The following PRKN variants were observed in gnomAD, a reference collection of about 807,000 sequenced individuals.
PRKN encodes parkin RBR E3 ubiquitin protein ligase.
In PRKN, 56 loss-of-function variants were observed where a neutral mutation model predicts 59.5. That is an observed-to-expected ratio of 0.94 (90% confidence interval 0.76 to 1.18). PRKN has a LOEUF of 1.18. Among genes scored for constraint, PRKN ranks in the 50% most tolerant of loss-of-function variants. PRKN has a pLI of 0.00. For synonymous variants in PRKN, 250 were observed against 222.1 expected (o/e 1.13, Z -1.12); for missense variants, 657 against 596.4 (o/e 1.10, Z -1.06).
At chr6:162,408,501 C>G (rs1050716324) in intron 2 of PRKN, among the ~76,000 whole-genome samples, 2 of 152,122 alleles carry the variant, frequency 1.3e-5, no homozygotes, top group Non-Finnish European at 2.9e-5. Flanking sequence ...ATCTCTAAAG[C>G]AGAATAGGTT....
chr6:162,709,880 C>T (rs1198717766), intron 1 of PRKN, among the ~76,000 whole-genome samples: 1 of 150,614 alleles, frequency 6.6e-6, no homozygotes, highest in Admixed American at 6.6e-5. Flanking sequence ...AATGCTCTTG[C>T]CTAGGAGGTG....
intron 5 of PRKN, among the ~76,000 whole-genome samples, chr6:161,997,540 C>G (rs1781893022): frequency 6.6e-6 from 1 of 152,106 alleles, no homozygotes; most frequent in Non-Finnish European, 1.5e-5. Context: ...TGGCATCTCT[C>G]AAGGCACTGT....
chr6:162,379,887 A>T (rs1222985465), intron 2 of PRKN, among the ~76,000 whole-genome samples: 1 of 152,188 alleles, frequency 6.6e-6, no homozygotes, highest in East Asian at 1.9e-4. Context: ...GAGGTAGCTG[A>T]TGAACATGCC....
rs911498866 is a variant in PRKN at position 161,407,551 on chromosome 6, A to G, written c.1084-20674T>C. Among the ~76,000 whole-genome samples the G allele has an allele frequency of 1.3e-5, 2 of 152,204 alleles. No individual in the cohort carries two copies. The highest frequency in any genetic ancestry group is 4.8e-5 in the African/African-American group (2 of 41,434). ...AATTTACAATATCCTGATTTCAGAA[A>G]TGTTAAAATACACAAAAAGGTACTT... On this transcript the variant is annotated intron_variant, in intron 9 of 11. Transcript: ENST00000366898. The surrounding 1 kb of genome is among the most constrained non-coding windows in gnomAD (Gnocchi z 4.9).
chr6:162,512,268 A>AG (rs1777659628), intron 1 of PRKN, among the ~76,000 whole-genome samples: 3 of 152,146 alleles, frequency 2.0e-5, no homozygotes. Context: ...TGGTCATGGG[A>AG]GGGGTGGAAA....
chr6:161,716,984 G>A (rs908793372), intron 7 of PRKN, among the ~76,000 whole-genome samples: 6 of 152,126 alleles, frequency 3.9e-5, no homozygotes, highest in South Asian at 4.1e-4. Context: ...AGGGTAACAC[G>A]GGCATGTGTT....
chr6:161,384,167 T>C (rs759094568), intron 10 of PRKN, among the ~76,000 whole-genome samples: 6 of 152,184 alleles, frequency 3.9e-5, no homozygotes, highest in African/African-American at 7.2e-5. Flanking sequence ...AGAAACTCCA[T>C]GGGAGCAGGG....
chr6:162,176,048 G>C (rs1354114801), intron 4 of PRKN, among the ~76,000 whole-genome samples: 1 of 152,154 alleles, frequency 6.6e-6, no homozygotes, highest in African/African-American at 2.4e-5. Context: ...ATGGTAGTTA[G>C]AACACATCTT....
At chr6:161,663,531 T>C (rs1207643352) in intron 7 of PRKN, among the ~76,000 whole-genome samples, 1 of 152,182 alleles carries the variant, frequency 6.6e-6, no homozygotes. Context: ...TGAATATTCA[T>C]ACTTAGTGGG....
At chr6:161,507,791 G>A (rs1397343934) in intron 9 of PRKN, among the ~76,000 whole-genome samples, 1 of 152,086 alleles carries the variant, frequency 6.6e-6, no homozygotes, top group Non-Finnish European at 1.5e-5. Flanking sequence ...TAAACATTCA[G>A]TAAACTATAT....
rs958829797 is a variant in PRKN at position 161,414,733 on chromosome 6, A to G, written c.1084-27856T>C. ...GATGAAGCCCCAAAGTGCAAAAGGCATGAAAGGCACATTATGCTTCTCCAC... is the reference window on the plus strand; with the variant it reads ...GATGAAGCCCCAAAGTGCAAAAGGCGTGAAAGGCACATTATGCTTCTCCAC... On this transcript the variant is annotated intron_variant, in intron 9 of 11. Coordinates refer to ENST00000366898, the MANE Select transcript of PRKN (RefSeq NM_004562.3). This position sits in a 1 kb window ranked among gnomAD's most constrained non-coding sequence, Gnocchi z 5.3. 1.3e-5 allele frequency among the ~76,000 whole-genome samples: 2 copies of G among 152,204 alleles called. No homozygotes were observed. The highest frequency in any genetic ancestry group is 2.4e-5 in the African/African-American group (1 of 41,432).
intron 9 of PRKN, among the ~76,000 whole-genome samples, chr6:161,508,853 T>A (rs1300877545): frequency 6.6e-6 from 1 of 152,138 alleles, no homozygotes; most frequent in Non-Finnish European, 1.5e-5. Flanking sequence ...ATTCCTTTTT[T>A]TTTTTTTGGA....
At chr6:162,359,580 C>A (rs1307498141) in intron 2 of PRKN, among the ~76,000 whole-genome samples, 1 of 101,354 alleles carries the variant, frequency 9.9e-6, no homozygotes, top group African/African-American at 5.3e-5. Context: ...ACTAAATATA[C>A]CTTTTAAAAT....
intron 7 of PRKN, among the ~76,000 whole-genome samples, chr6:161,725,182 A>G (rs775077759): frequency 2.6e-5 from 4 of 152,234 alleles, no homozygotes; most frequent in Non-Finnish European, 4.4e-5. Flanking sequence ...GTATTTCTTT[A>G]TAGTAATGCA....
At chr6:162,326,374 T>C (rs1186497565) in intron 2 of PRKN, among the ~76,000 whole-genome samples, 5 of 152,180 alleles carry the variant, frequency 3.3e-5, no homozygotes, top group African/African-American at 4.8e-5. Flanking sequence ...TAAAGCAGTA[T>C]GTTTGCACTT....
intron 7 of PRKN, among the ~76,000 whole-genome samples, chr6:161,730,596 A>G (rs554654756): frequency 8.6e-5 from 13 of 150,560 alleles, no homozygotes; most frequent in Admixed American, 4.6e-4. Context: ...GATGTGTTGC[A>G]TTCTTTCTGA....
intron 4 of PRKN, among the ~76,000 whole-genome samples, chr6:162,130,247 A>G (rs1383705483): frequency 6.6e-6 from 1 of 152,096 alleles, no homozygotes; most frequent in Admixed American, 6.6e-5. Flanking sequence ...TTGTCTTGAT[A>G]CTGCTTCTTA....
rs1056800498 is a variant in PRKN at position 161,475,225 on chromosome 6, C to T, written c.1083+73629G>A. ...ATACTTATAGTAGATTGCATGTGAT[C>T]GCTGCTGTCCTATCAACTGGTGTGA... On this transcript the variant is annotated intron_variant, in intron 9 of 11. Coordinates refer to ENST00000366898, the MANE Select transcript of PRKN (RefSeq NM_004562.3). This position sits in a 1 kb window ranked among gnomAD's most constrained non-coding sequence, Gnocchi z 5.3. Among the ~76,000 whole-genome samples, 8 of 152,150 alleles carry T rather than the reference C, an allele frequency of 5.3e-5. No homozygotes were observed. Among genetic ancestry groups the T allele is most frequent in the African/African-American group, 9.7e-5 (4 of 41,440 alleles).
chr6:162,530,835 A>G (rs1252585593), intron 1 of PRKN, among the ~76,000 whole-genome samples: 1 of 149,530 alleles, frequency 6.7e-6, no homozygotes, highest in African/African-American at 2.5e-5. Context: ...GGTGGGTGGA[A>G]TGCCTGAGCT....
Sources: allele counts gnomAD v4.1 joint callset (sites outside exome capture counted in the v4.1 genomes callset), GRCh38; gene constraint gnomAD v4.1.1; non-coding constraint Gnocchi (gnomAD v3.1); transcripts MANE v1.5; gene names NCBI Gene and HGNC (gene_info 2026-07-23, HGNC 2026-07-21).